CA10: variants seen among roughly 807,000 people sequenced by gnomAD.
CA10 encodes carbonic anhydrase-related protein 10.
Under a neutral mutation model 44.2 loss-of-function variants are expected in CA10, and 14 were observed. The observed-to-expected ratio is 0.32, with a 90% CI of 0.21 to 0.50. The LOEUF (loss-of-function observed/expected upper bound fraction) is 0.50. CA10 is among the 20% of genes least tolerant of loss of function. CA10 has a pLI of 0.99. For missense variants in CA10, 350 were observed against 409.7 expected (o/e 0.85, Z 1.26); for synonymous variants, 159 against 141.6 (o/e 1.12, Z -0.87).
chr17:51,974,589 A>G (rs950482062), intron 2 of CA10, among the ~76,000 whole-genome samples: 1 of 152,230 alleles, frequency 6.6e-6, no homozygotes, highest in East Asian at 1.9e-4. Context: ...AGTCTAATGT[A>G]TAATTGAAAT....
intron 3 of CA10, among the ~76,000 whole-genome samples, chr17:51,885,091 G>A (rs368845875): frequency 4.0e-4 from 61 of 152,188 alleles, no homozygotes; most frequent in African/African-American, 1.3e-3. Context: ...TATATTATTG[G>A]GAGAGACAAT....
At chr17:52,096,811 A>T (rs959099077) in intron 1 of CA10, among the ~76,000 whole-genome samples, 3 of 152,228 alleles carry the variant, frequency 2.0e-5, no homozygotes, top group Admixed American at 1.3e-4. Flanking sequence ...TTCTATCCAA[A>T]GTCTTCACAT....
chr17:52,071,275 G>A (rs1017407127), intron 2 of CA10, among the ~76,000 whole-genome samples: 29 of 152,208 alleles, frequency 1.9e-4, no homozygotes, highest in Non-Finnish European at 7.3e-5. Flanking sequence ...TTGGCAGCCA[G>A]TTGGCTTTTT....
At chr17:52,116,049 G>A (rs1451623882) in intron 1 of CA10, among the ~76,000 whole-genome samples, 1 of 151,342 alleles carries the variant, frequency 6.6e-6, no homozygotes, top group East Asian at 2.0e-4. Context: ...CTGAGATTGG[G>A]CCACTGCACT....
rs1378868403 is a variant in CA10, at chr17:52,040,127, TTTTCC to T, written c.136+32187_136+32191del. Among the ~76,000 whole-genome samples the T allele has an allele frequency of 5.5e-5, 8 of 145,500 alleles. No homozygotes were observed. The Admixed American group carries it at 5.5e-4, about 10-fold the overall frequency. ...ATTCTTTATAAAATTAAGATCCCCT[TTTTCC>T]TTTCTTTTTTTTCTTTTTTTTTTTT... On this transcript the variant is annotated intron_variant, in intron 2 of 8. Transcript: ENST00000451037.
chr17:52,027,729 A>C (rs1416885711), intron 2 of CA10, among the ~76,000 whole-genome samples: 4 of 152,060 alleles, frequency 2.6e-5, no homozygotes, highest in Non-Finnish European at 5.9e-5. Flanking sequence ...ATCAGAGCTA[A>C]TTTTTCTTAG....
chr17:51,714,024 C>G (rs1916021112), intron 4 of CA10, among the ~76,000 whole-genome samples: 1 of 152,180 alleles, frequency 6.6e-6, no homozygotes, highest in Admixed American at 6.5e-5. Context: ...TCAAAGAACA[C>G]TGAGTGCTCC....
chr17:51,717,691 A>ATG (rs1485107197), intron 4 of CA10, among the ~76,000 whole-genome samples: 5 of 83,154 alleles, frequency 6.0e-5, no homozygotes, highest in Admixed American at 1.6e-4. Context: ...ATATGTATAC[A>ATG]TATATGCATG....
At chr17:51,971,848 T>A (rs1012244310) in intron 2 of CA10, among the ~76,000 whole-genome samples, 2 of 151,968 alleles carry the variant, frequency 1.3e-5, no homozygotes, top group African/African-American at 4.8e-5. Flanking sequence ...TAATTTTAAA[T>A]ATTTTTCTTA....
At chr17:52,124,031 T>A (rs890771424) in intron 1 of CA10, among the ~76,000 whole-genome samples, 2 of 152,222 alleles carry the variant, frequency 1.3e-5, no homozygotes, top group African/African-American at 4.8e-5. Flanking sequence ...ATGCTTCCTC[T>A]TGGATTTGTC....
chr17:51,704,437 T>C (rs1915697328), intron 4 of CA10, among the ~76,000 whole-genome samples: 1 of 152,180 alleles, frequency 6.6e-6, no homozygotes, highest in African/African-American at 2.4e-5. Flanking sequence ...GGCAAGTGTT[T>C]CTCTCTAGGC....
chr17:51,717,472 G>A (rs887844783), intron 4 of CA10, among the ~76,000 whole-genome samples: 1 of 144,874 alleles, frequency 6.9e-6, no homozygotes, highest in African/African-American at 2.6e-5. Context: ...GTTCACAATC[G>A]CAAAATCGTG....
intron 1 of CA10, among the ~76,000 whole-genome samples, chr17:52,085,663 C>T (rs899406261): frequency 5.3e-5 from 8 of 152,180 alleles, no homozygotes; most frequent in Non-Finnish European, 8.8e-5. Context: ...TTATTATATA[C>T]ATTTACTTAT....
chr17:51,828,418 C>T (rs1278062142), intron 3 of CA10, among the ~76,000 whole-genome samples: 1 of 152,160 alleles, frequency 6.6e-6, no homozygotes, highest in African/African-American at 2.4e-5. Context: ...TCTCTGCATA[C>T]ATGTTGATCT....
chr17:51,752,798 C>T (rs1001932905), intron 3 of CA10, among the ~76,000 whole-genome samples: 1 of 151,958 alleles, frequency 6.6e-6, no homozygotes, highest in Non-Finnish European at 1.5e-5. Flanking sequence ...TGGTAGCAGG[C>T]ACCTGCAGCT....
chr17:51,686,388 C>A (rs533313166), intron 4 of CA10, among the ~76,000 whole-genome samples: 2 of 152,144 alleles, frequency 1.3e-5, no homozygotes, highest in Non-Finnish European at 2.9e-5. Context: ...TCTTCTTCAG[C>A]CTCACTATCT....
At position 52,087,776 on chromosome 17, in the gene CA10, G is replaced by T. The variant is rs569478698; in HGVS notation, c.62-15383C>A. 1.1e-4 allele frequency among the ~76,000 whole-genome samples: 16 copies of T among 152,278 alleles called. No homozygotes were observed. The South Asian group carries it at 3.3e-3, about 32-fold the overall frequency. On this transcript the variant is annotated intron_variant, in intron 1 of 8. Transcript: ENST00000451037. ...GAAAATACAACATAGAATTATACAT[G>T]TGAAAGGGAGATTTAAGACAGTGTT...
At chr17:51,723,214 G>A (rs952112152) in intron 4 of CA10, among the ~76,000 whole-genome samples, 2 of 152,200 alleles carry the variant, frequency 1.3e-5, no homozygotes, top group African/African-American at 4.8e-5. Context: ...TCCTGGGCAT[G>A]TGCTTACTCA....
intron 2 of CA10, among the ~76,000 whole-genome samples, chr17:52,009,014 C>T (rs1985697200): frequency 6.6e-6 from 1 of 151,888 alleles, no homozygotes; most frequent in South Asian, 2.1e-4. Flanking sequence ...AGTTATTTCT[C>T]TAATAGTTAC....
Sources: gnomAD v4.1 joint callset for allele counts (sites outside exome capture counted in the v4.1 genomes callset) on GRCh38, gnomAD v4.1.1 for gene constraint, MANE v1.5 for transcripts, NCBI Gene and HGNC (gene_info 2026-07-23, HGNC 2026-07-21) for gene names.